Variants in NRG1 observed in about 807,000 individuals in gnomAD.
NRG1 encodes pro-neuregulin-1, membrane-bound isoform.
A neutral mutation model predicts 63.8 loss-of-function variants in NRG1; 18 were observed. That is an observed-to-expected ratio of 0.28 (90% CI 0.19 to 0.42). The LOEUF (loss-of-function observed/expected upper bound fraction) is 0.42. Among genes scored for constraint, NRG1 ranks in the 10% least tolerant of loss-of-function variants. The pLI is 1.00. For synonymous variants in NRG1, 302 were observed against 301.3 expected, an observed-to-expected ratio of 1.00 and a Z score of -0.02; for missense variants, 762 against 814.7, an observed-to-expected ratio of 0.94 and a Z score of 0.79.
intron 3 of NRG1, among the ~76,000 whole-genome samples, chr8:32,608,642 A>G (rs1257609662): frequency 1.3e-5 from 2 of 152,204 alleles, no homozygotes; most frequent in African/African-American, 2.4e-5. Context: ...ATTATAACTC[A>G]GCCTCGAGGA....
At chr8:31,821,982 C>T (rs1378219575) in intron 1 of NRG1, among the ~76,000 whole-genome samples, 1 of 152,150 alleles carries the variant, frequency 6.6e-6, no homozygotes, top group African/African-American at 2.4e-5. Flanking sequence ...TTTATACATA[C>T]ACAATATATC....
chr8:32,741,846 G>A (rs1234048117), intron 6 of NRG1, among the ~76,000 whole-genome samples, 162 bp from the exon 7 acceptor site: 8 of 152,100 alleles, frequency 5.3e-5, no homozygotes, highest in South Asian at 4.1e-4. Context: ...CACAGTTTTC[G>A]TGGGACATGG....
intron 1 of NRG1, among the ~76,000 whole-genome samples, chr8:32,340,736 C>T (rs542377016): frequency 6.6e-6 from 1 of 152,256 alleles, no homozygotes; most frequent in South Asian, 2.1e-4. Context: ...GAATACATGC[C>T]TGAGCTGGGA....
At chr8:31,682,476 G>T (rs1259354372) in intron 1 of NRG1, among the ~76,000 whole-genome samples, 1 of 152,126 alleles carries the variant, frequency 6.6e-6, no homozygotes, top group East Asian at 1.9e-4. Context: ...ATATAATAAA[G>T]TGACATAAAA....
At chr8:32,649,826 C>G (rs11990428) in intron 5 of NRG1, among the ~76,000 whole-genome samples, 7,675 of 152,288 alleles carry the variant, frequency 0.05, 652 homozygotes, top group African/African-American at 0.17. Flanking sequence ...ACAGACATCA[C>G]TGCCTTTGCT....
chr8:32,223,862 A>G (rs551277597), intron 1 of NRG1, among the ~76,000 whole-genome samples: 2 of 152,300 alleles, frequency 1.3e-5, no homozygotes, highest in African/African-American at 4.8e-5. Context: ...GCAGCTGACT[A>G]TGAGTAAGAG....
chr8:31,687,212 A>G (rs1808990567), intron 1 of NRG1, among the ~76,000 whole-genome samples: 1 of 152,238 alleles, frequency 6.6e-6, no homozygotes, highest in South Asian at 2.1e-4. Flanking sequence ...CAGAGAAAAG[A>G]TGCCCCTTAG....
At chr8:31,832,563 A>AT (rs540589027) in intron 1 of NRG1, among the ~76,000 whole-genome samples, 1,792 of 150,532 alleles carry the variant, frequency 0.012, 16 homozygotes, top group African/African-American at 0.026. Flanking sequence ...CCAACCATAG[A>AT]TTTTTTTTTT....
intron 1 of NRG1, among the ~76,000 whole-genome samples, chr8:32,107,434 C>G (rs549375929): frequency 1.3e-5 from 2 of 152,254 alleles, no homozygotes; most frequent in South Asian, 4.1e-4. Context: ...CAATAAGAAA[C>G]CCAGCAAAAC....
At chr8:32,728,208 TAG>T in intron 6 of NRG1, 130 bp downstream of exon 6, 1 of 1,489,120 alleles carries the variant, frequency 6.7e-7, no homozygotes, top group South Asian at 1.4e-5. Context: ...GTTTTATATG[TAG>T]AGTGTTTTAA....
chr8:32,310,537 C>A (rs1231020258), intron 1 of NRG1, among the ~76,000 whole-genome samples: 1 of 152,178 alleles, frequency 6.6e-6, no homozygotes, highest in African/African-American at 2.4e-5. Context: ...AATAAGCCAA[C>A]ATAGATGCCA....
At chr8:32,534,727 T>C (rs1405312838) in intron 1 of NRG1, among the ~76,000 whole-genome samples, 1 of 152,214 alleles carries the variant, frequency 6.6e-6, no homozygotes, top group African/African-American at 2.4e-5. Context: ...GTTTAATCAA[T>C]GTATAAACCA....
intron 1 of NRG1, among the ~76,000 whole-genome samples, chr8:32,098,297 A>T (rs927925814): frequency 1.3e-5 from 2 of 152,340 alleles, no homozygotes; most frequent in African/African-American, 4.8e-5. Flanking sequence ...AAAGTAAAAG[A>T]CACACACTCT....
intron 5 of NRG1, among the ~76,000 whole-genome samples, chr8:32,651,731 T>G (rs1855171455): frequency 6.6e-6 from 1 of 152,188 alleles, no homozygotes; most frequent in African/African-American, 2.4e-5. Flanking sequence ...TTGCAAAAGA[T>G]CAACATGATG....
At chr8:32,550,390 G>T (rs1234569429) in intron 1 of NRG1, among the ~76,000 whole-genome samples, 1 of 152,118 alleles carries the variant, frequency 6.6e-6, no homozygotes, top group Non-Finnish European at 1.5e-5. Context: ...ACATTACGGA[G>T]ATTTCAGACC....
At chr8:32,368,995 G>A (rs1460049415) in intron 1 of NRG1, among the ~76,000 whole-genome samples, 1 of 152,138 alleles carries the variant, frequency 6.6e-6, no homozygotes, top group Non-Finnish European at 1.5e-5. Flanking sequence ...TATGATACAT[G>A]TGCAAACAGT....
At chr8:31,996,686 C>A (rs1269075551) in intron 1 of NRG1, among the ~76,000 whole-genome samples, 1 of 151,756 alleles carries the variant, frequency 6.6e-6, no homozygotes, top group African/African-American at 2.4e-5. Context: ...TCTTCCAGCA[C>A]CTGAAAGACA....
intron 1 of NRG1, among the ~76,000 whole-genome samples, chr8:32,143,506 G>A (rs1231943258): frequency 6.6e-6 from 1 of 152,154 alleles, no homozygotes. Context: ...TTTCTACCAA[G>A]CTGAACATGT....
chr8:31,881,837 A>C (rs931271886), intron 1 of NRG1, among the ~76,000 whole-genome samples: 2 of 152,192 alleles, frequency 1.3e-5, no homozygotes, highest in Non-Finnish European at 2.9e-5. Flanking sequence ...GAGGTGAGGA[A>C]GCTGCAGAAG....
Sources: allele counts gnomAD v4.1 joint callset (sites outside exome capture counted in the v4.1 genomes callset), GRCh38; gene constraint gnomAD v4.1.1; transcripts MANE v1.5; gene names NCBI Gene and HGNC (gene_info 2026-07-23, HGNC 2026-07-21).